RALYL: variants seen among roughly 807,000 people sequenced by gnomAD.
RALYL encodes RALY RNA binding protein like.
In RALYL, 29 loss-of-function variants were observed where a neutral mutation model predicts 35.1. That is an observed-to-expected ratio of 0.83 (90% CI 0.61 to 1.13). The LOEUF (loss-of-function observed/expected upper bound fraction) is 1.13. Among genes scored for constraint, RALYL ranks in the 50% most tolerant of loss-of-function variants. The pLI is 0.00. For missense variants in RALYL, 359 were observed against 360.4 expected (o/e 1.00, Z 0.03); for synonymous variants, 120 against 127.6 (o/e 0.94, Z 0.40).
chr8:84,474,521 T>A (rs1287634697), intron 1 of RALYL, among the ~76,000 whole-genome samples: 1 of 152,180 alleles, frequency 6.6e-6, no homozygotes, highest in African/African-American at 2.4e-5. Flanking sequence ...CTAGAGTATA[T>A]TTCCTAGCCC....
intron 1 of RALYL, among the ~76,000 whole-genome samples, chr8:84,267,414 G>A (rs1000792019): frequency 4.6e-5 from 7 of 152,060 alleles, no homozygotes; most frequent in Non-Finnish European, 8.8e-5. Flanking sequence ...TATATATTGT[G>A]TTTTAATTAT....
At position 84,886,499 on chromosome 8, in the gene RALYL, CTCAGA is replaced by C. The variant is rs1842935308; in HGVS notation, c.686-1101_686-1097del. On this transcript the variant is annotated intron_variant, in intron 7 of 8. Transcript: ENST00000521268. ...GATAAAAAATTAGGCTATTTAAAAA[CTCAGA>C]TCAAAGGATAGATTAATCATCTGAT... Among the ~76,000 whole-genome samples the C allele has an allele frequency of 2.6e-5, 4 of 152,072 alleles. No homozygotes were observed. In the South Asian group the frequency reaches 8.3e-4, roughly 32 times the overall value.
chr8:84,539,908 G>A (rs1308414759), intron 2 of RALYL, among the ~76,000 whole-genome samples: 2 of 139,378 alleles, frequency 1.4e-5, no homozygotes, highest in East Asian at 2.1e-4. Context: ...GTGTGTGTGT[G>A]TACATGCACA....
At chr8:84,252,754 G>A (rs1250244107) in intron 1 of RALYL, among the ~76,000 whole-genome samples, 2 of 152,026 alleles carry the variant, frequency 1.3e-5, no homozygotes, top group Non-Finnish European at 1.5e-5. Flanking sequence ...AAAAATCCCT[G>A]AAATAGGCCT....
intron 4 of RALYL, among the ~76,000 whole-genome samples, chr8:84,817,906 A>G (rs1827730647): frequency 6.6e-6 from 1 of 152,230 alleles, no homozygotes; most frequent in Admixed American, 6.5e-5. Flanking sequence ...AGTGTCTGAC[A>G]CATCGTAAAC....
chr8:84,453,483 A>G (rs569082518), intron 1 of RALYL, among the ~76,000 whole-genome samples: 8 of 152,156 alleles, frequency 5.3e-5, no homozygotes, highest in African/African-American at 1.9e-4. Flanking sequence ...TTTAGTATAA[A>G]CAAGACCAAA....
intron 1 of RALYL, among the ~76,000 whole-genome samples, chr8:84,401,818 G>A (rs1167349150): frequency 1.3e-5 from 2 of 150,684 alleles, no homozygotes; most frequent in East Asian, 3.9e-4. Context: ...AGACATTGCA[G>A]TAAAACTTTT....
intron 1 of RALYL, among the ~76,000 whole-genome samples, chr8:84,365,774 G>C (rs972749533): frequency 2.6e-5 from 4 of 152,160 alleles, no homozygotes; most frequent in African/African-American, 9.7e-5. Flanking sequence ...TTTTTAGAAG[G>C]AAATGGTTAG....
At chr8:84,277,731 A>C (rs1835700859) in intron 1 of RALYL, among the ~76,000 whole-genome samples, 1 of 152,224 alleles carries the variant, frequency 6.6e-6, no homozygotes, top group South Asian at 2.1e-4. Flanking sequence ...ATGCCAAGTC[A>C]GAAATCCAGC....
chr8:84,490,148 T>C (rs191951365), intron 1 of RALYL, among the ~76,000 whole-genome samples: 1 of 151,156 alleles, frequency 6.6e-6, no homozygotes, highest in East Asian at 2.0e-4. Flanking sequence ...ATTTTCATAC[T>C]CCAATAAGAA....
rs201555432 is a variant in RALYL at position 84,583,684 on chromosome 8, A to G, written c.256+54107A>G. Among the ~76,000 whole-genome samples the G allele has an allele frequency of 1.1e-4, 17 of 152,276 alleles. No homozygotes were observed. The East Asian group carries it at 3.3e-3, about 29-fold the overall frequency. ...TTAAATTATTTTATATTTCTGGAAG[A>G]GTGAAGGAGACATCCCTGCACAATT... On this transcript the variant is annotated intron_variant, in intron 2 of 8. Coordinates refer to ENST00000521268, the MANE Select transcript of RALYL (RefSeq NM_173848.7).
intron 1 of RALYL, among the ~76,000 whole-genome samples, chr8:84,290,484 C>G (rs1838556404): frequency 6.7e-6 from 1 of 150,034 alleles, no homozygotes. Flanking sequence ...GGTTTGTTCT[C>G]TGGCGGGCAG....
At chr8:84,528,615 C>T (rs1448397110) in intron 1 of RALYL, among the ~76,000 whole-genome samples, 2 of 151,986 alleles carry the variant, frequency 1.3e-5, no homozygotes, top group Non-Finnish European at 2.9e-5. Context: ...TGAACACTGG[C>T]TCTTATGTTT....
intron 1 of RALYL, among the ~76,000 whole-genome samples, chr8:84,310,082 T>G (rs1481425692): frequency 1.3e-5 from 2 of 151,748 alleles, no homozygotes; most frequent in African/African-American, 4.8e-5. Context: ...AGAGTCTCGC[T>G]CTGTCACACA....
intron 1 of RALYL, among the ~76,000 whole-genome samples, chr8:84,271,264 C>G (rs1834255591): frequency 6.6e-6 from 1 of 151,278 alleles, no homozygotes; most frequent in African/African-American, 2.4e-5. Flanking sequence ...CAAAAATATA[C>G]AAATGGCAAA....
intron 1 of RALYL, among the ~76,000 whole-genome samples, chr8:84,219,863 A>T (rs1023700045): frequency 7.1e-5 from 4 of 56,592 alleles, no homozygotes; most frequent in Non-Finnish European, 1.4e-4. Context: ...CAGAAGACGT[A>T]TAGATAGATA....
At chr8:84,635,678 C>A (rs779145462) in intron 2 of RALYL, among the ~76,000 whole-genome samples, 31 of 151,578 alleles carry the variant, frequency 2.0e-4, no homozygotes, top group Non-Finnish European at 4.4e-4. Flanking sequence ...TGAGGTAATT[C>A]TTTCTTTAGA....
intron 1 of RALYL, among the ~76,000 whole-genome samples, chr8:84,402,234 A>G (rs1000910784): frequency 6.6e-6 from 1 of 152,200 alleles, no homozygotes; most frequent in Non-Finnish European, 1.5e-5. Flanking sequence ...CTTATACACA[A>G]AAACATCACC....
At chr8:84,219,137 C>T (rs1190651889) in intron 1 of RALYL, among the ~76,000 whole-genome samples, 1 of 152,002 alleles carries the variant, frequency 6.6e-6, no homozygotes, top group Non-Finnish European at 1.5e-5. Context: ...TGCTTTGTGT[C>T]CCCACCCAAA....
Sources: allele counts gnomAD v4.1 joint callset (sites outside exome capture counted in the v4.1 genomes callset), GRCh38; gene constraint gnomAD v4.1.1; transcripts MANE v1.5; gene names NCBI Gene and HGNC (gene_info 2026-07-23, HGNC 2026-07-21).